The following KCNA3 variants were observed in gnomAD, a reference collection of about 807,000 sequenced individuals.
The protein encoded by KCNA3 is RP11-284N8.3.
Under a neutral mutation model 34.3 loss-of-function variants are expected in KCNA3, and 18 were observed. The ratio of observed to expected loss-of-function variants is 0.52; its 90% CI spans 0.36 to 0.78. The LOEUF is 0.78. Among genes scored for constraint, KCNA3 ranks in the 30% least tolerant of loss-of-function variants. KCNA3 has a pLI of 0.00. For synonymous variants in KCNA3, 324 were observed against 351.7 expected (o/e 0.92, Z 0.88); for missense variants, 587 against 802.5 (o/e 0.73, Z 3.24).
downstream of KCNA3, among the ~76,000 whole-genome samples, chr1:110,670,565 GTATCTAACATAT>G (rs1651851552): frequency 6.6e-6 from 1 of 152,202 alleles, no homozygotes; most frequent in African/African-American, 2.4e-5. Flanking sequence ...TTGTTACAAT[GTATCTAACATAT>G]TATCAAAATG....
In KCNA3 at chr1:110,674,695, C is replaced by T; in HGVS notation, c.115G>A (p.Gly39Ser). The change falls in exon 1 of 1, where the codon GGC becomes AGC. Residue 39 changes from glycine (G) to serine (S), a missense_variant. Physicochemically the swap from Gly to Ser is moderately conservative, Grantham distance 56 (BLOSUM62 0). Coordinates refer to ENST00000369769, the MANE Select transcript of KCNA3 (RefSeq NM_002232.5). This position sits in a 1 kb window ranked among gnomAD's most constrained non-coding sequence, Gnocchi z 6.4. ...CGGCCTGCGGCGGGCTCCGCGTAGC[C>T]GTGGTTCACCAGCGTGTGGGCACCG... ...SGGAHTLVNH[G>S]YAEPAAGREL... 1 of 1,497,830 alleles carries T rather than the reference C, an allele frequency of 6.7e-7. No individual in the cohort carries two copies. The highest frequency in any genetic ancestry group is 8.8e-7 in the Non-Finnish European group (1 of 1,134,170). The allele number at this position is 1,497,830 out of a possible 1,614,324, so 92.8% of individuals were successfully genotyped here.
chr1:110,662,332 T>C, the KCNA3 span, among the ~76,000 whole-genome samples: 1 of 151,972 alleles, frequency 6.6e-6, no homozygotes, highest in African/African-American at 2.4e-5. Context: ...TCAATAATTA[T>C]CAAATTTATG....
Position 110,674,487 on chromosome 1 carries a change from A to C in KCNA3, c.323T>G (p.Ile108Ser). ...CTCGAAGCGCAGCCCGGAGATGTTG[A>C]TGACCACGCGCTCCCCGCAGCAGTC... is the stretch of plus-strand genomic sequence containing the variant. ...EQDCCGERVV[I>S]NISGLRFETQ... Residue 108 changes from isoleucine to serine, a missense_variant, in exon 1 of 1, where the codon ATC (isoleucine) becomes AGC (serine). By Grantham distance (142) the Ile-to-Ser change is moderately radical (BLOSUM62 -2). This residue lies in a region of KCNA3 where 341 missense variants were observed against 355.4 expected (regional missense o/e 0.96). Coordinates refer to ENST00000369769, the MANE Select transcript of KCNA3 (RefSeq NM_002232.5). This position sits in a 1 kb window ranked among gnomAD's most constrained non-coding sequence, Gnocchi z 6.4. The C allele has an allele frequency of 6.2e-7, 1 of 1,613,764 alleles. No individual in the cohort carries two copies. Among genetic ancestry groups the C allele is most frequent in the Non-Finnish European group, 8.5e-7 (1 of 1,179,928 alleles).
At chr1:110,661,269 T>G in the KCNA3 span, among the ~76,000 whole-genome samples, 1 of 152,204 alleles carries the variant, frequency 6.6e-6, no homozygotes, top group Non-Finnish European at 1.5e-5. Context: ...AAATACTGTA[T>G]GCCTACTGTG....
the KCNA3 span, chr1:110,656,223 A>G: frequency 6.6e-6 from 1 of 152,230 alleles, no homozygotes; most frequent in African/African-American, 2.4e-5. Context: ...ATTAACTGGA[A>G]CAGACATTCT....
chr1:110,671,767 C>CA, downstream of KCNA3, among the ~76,000 whole-genome samples: 1 of 152,232 alleles, frequency 6.6e-6, no homozygotes, highest in South Asian at 2.1e-4. Context: ...GTACAGAACA[C>CA]TTTTACATTT....
chr1:110,668,335 C>G (rs1557756900), downstream of KCNA3, among the ~76,000 whole-genome samples: 2 of 152,028 alleles, frequency 1.3e-5, no homozygotes. Context: ...GTGGGAAGGA[C>G]TTGGAACTGC....
At chr1:110,653,676 G>A in the KCNA3 span, 1 of 151,972 alleles carries the variant, frequency 6.6e-6, no homozygotes, top group Non-Finnish European at 1.5e-5. Flanking sequence ...AAAACTCACA[G>A]ATATTTTCTG....
chr1:110,655,981 C>A, the KCNA3 span: 1 of 152,102 alleles, frequency 6.6e-6, no homozygotes, highest in South Asian at 2.1e-4. Flanking sequence ...CACTCCTGAG[C>A]AAAATGAACT....
chr1:110,672,953 G>A lies in KCNA3; in HGVS notation c.*129C>T. 1.1e-6 allele frequency: 1 copy of A among 930,866 alleles called. No individual in the cohort carries two copies. The highest frequency in any genetic ancestry group is 3.4e-4 in the Middle Eastern group (1 of 2,936). 57.7% of individuals were successfully genotyped at this position (930,866 alleles called of 1,614,324 possible). ...AAGCAGCAGGGAGAGGGAGAATGAA[G>A]TGTGCTTTCCACTTCTTCAGGTCCT... is the stretch of plus-strand genomic sequence containing the variant. On this transcript the variant is annotated 3_prime_UTR_variant, in exon 1 of 1. Transcript: ENST00000369769.
the KCNA3 span, among the ~76,000 whole-genome samples, chr1:110,660,523 A>G: frequency 6.6e-6 from 1 of 152,202 alleles, no homozygotes; most frequent in Non-Finnish European, 1.5e-5. Flanking sequence ...AGAGAGAGAG[A>G]GAGAGACAAG....
chr1:110,670,129 G>A (rs528145819), downstream of KCNA3, among the ~76,000 whole-genome samples: 1 of 152,142 alleles, frequency 6.6e-6, no homozygotes, highest in South Asian at 2.1e-4. Flanking sequence ...CTCAAATCCT[G>A]GAAATATGAC....
chr1:110,674,873 G>T lies in KCNA3; in HGVS notation c.-64C>A. 2.4e-6 allele frequency: 3 copies of T among 1,273,588 alleles called. No individual in the cohort carries two copies. Among genetic ancestry groups the T allele is most frequent in the Non-Finnish European group, 3.0e-6 (3 of 1,012,910 alleles). 78.9% of individuals were successfully genotyped at this position (1,273,588 alleles called of 1,614,324 possible). Reference sequence around the variant, plus strand: ...TCCTCCTCGCGCTCCCCGCCCTTTCGCCGCCTCCGCCCCCGAGCCGAGCCC... The same window carrying T: ...TCCTCCTCGCGCTCCCCGCCCTTTCTCCGCCTCCGCCCCCGAGCCGAGCCC... On this transcript the variant is annotated 5_prime_UTR_variant, in exon 1 of 1. Coordinates refer to ENST00000369769, the MANE Select transcript of KCNA3 (RefSeq NM_002232.5). This position sits in a 1 kb window ranked among gnomAD's most constrained non-coding sequence, Gnocchi z 6.4.
At chr1:110,670,357 G>T (rs896543089), downstream of KCNA3, among the ~76,000 whole-genome samples, 5 of 152,136 alleles carry the variant, frequency 3.3e-5, no homozygotes, top group African/African-American at 1.2e-4. Context: ...CAAAAGCCAG[G>T]ATATTTCTCT....
rs1306079294 is a variant in KCNA3, at chr1:110,673,817, G to A, written c.993C>T (p.Ile331=). The A allele has an allele frequency of 1.9e-6, 3 of 1,613,990 alleles. No individual in the cohort carries two copies. Among genetic ancestry groups the A allele is most frequent in the African/African-American group, 1.3e-5 (1 of 74,900 alleles). The change falls in exon 1 of 1, where the codon ATC becomes ATT. Residue 331 remains isoleucine, a synonymous_variant. Coordinates refer to ENST00000369769, the MANE Select transcript of KCNA3 (RefSeq NM_002232.5). The surrounding 1 kb of genome is among the most constrained non-coding windows in gnomAD (Gnocchi z 8.8). The part of the protein sequence containing the change: ...ATFSRNIMNL[I]DIVAIIPYFI... ...AATAAGGAATGATGGCCACAATGTC[G>A]ATCAGGTTCATGATGTTTCGCGAGA...
In KCNA3 at chr1:110,674,032, G is replaced by A. The variant is rs748878390; in HGVS notation, c.778C>T (p.Arg260Cys). Residue 260 changes from arginine (R) to cysteine (C), a missense_variant, in exon 1 of 1, where the codon CGC becomes TGC. This residue lies in a region of KCNA3 where 50 missense variants were observed against 45.3 expected (regional missense o/e 1.10). Coordinates refer to ENST00000369769, the MANE Select transcript of KCNA3 (RefSeq NM_002232.5). The surrounding 1 kb of genome is among the most constrained non-coding windows in gnomAD (Gnocchi z 6.4). ...IFCLETLPEF[R>C]DEKDYPASTS... ...GAGGCGGGGTAGTCCTTCTCGTCGC[G>A]GAACTCCGGCAGCGTCTCCAGGCAG... 2 of 1,608,550 alleles carry A rather than the reference G, an allele frequency of 1.2e-6. No homozygotes were observed. Among genetic ancestry groups the A allele is most frequent in the Non-Finnish European group, 1.7e-6 (2 of 1,176,560 alleles).
chr1:110,661,862 CTT>C, the KCNA3 span, among the ~76,000 whole-genome samples: 1 of 152,020 alleles, frequency 6.6e-6, no homozygotes, highest in Admixed American at 6.5e-5. Context: ...AATCCCAGCA[CTT>C]TTGGGAGGCC....
chr1:110,656,065 T>C, the KCNA3 span: 2 of 152,314 alleles, frequency 1.3e-5, no homozygotes, highest in South Asian at 4.1e-4. Flanking sequence ...TTTTAAATTA[T>C]AGTAATTGCT....
the KCNA3 span, among the ~76,000 whole-genome samples, chr1:110,657,289 C>T: frequency 2.0e-5 from 3 of 152,204 alleles, no homozygotes; most frequent in East Asian, 5.8e-4. Context: ...CCTTGTGATC[C>T]ACCTGCCTTG....
Sources: gnomAD v4.1 joint callset for allele counts (sites outside exome capture counted in the v4.1 genomes callset) on GRCh38, gnomAD v4.1.1 for gene constraint, gnomAD v4.1.1 regional missense constraint, Gnocchi (gnomAD v3.1) non-coding constraint, MANE v1.5 for transcripts, NCBI Gene and HGNC (gene_info 2026-07-23, HGNC 2026-07-21) for gene names.